Variants in PTPN3 observed in about 807,000 individuals in gnomAD.
PTPN3 encodes protein tyrosine phosphatase non-receptor type 3.
In PTPN3, 96 loss-of-function variants were observed where a neutral mutation model predicts 132.7. The ratio of observed to expected loss-of-function variants is 0.72; its 90% confidence interval spans 0.61 to 0.86. The LOEUF is 0.86. Among genes scored for constraint, PTPN3 ranks in the 40% least tolerant of loss-of-function variants. The pLI is 0.00. For synonymous variants in PTPN3, 398 were observed against 429.0 expected, an observed-to-expected ratio of 0.93 and a Z score of 0.89; for missense variants, 1,125 against 1,159.6, an observed-to-expected ratio of 0.97 and a Z score of 0.43.
At chr9:109,391,097 G>T in intron 21 of PTPN3, 41 bp downstream of exon 21, 2 of 1,568,954 alleles carry the variant, frequency 1.3e-6, no homozygotes, top group Non-Finnish European at 1.8e-6. Context: ...TTGCGACAGT[G>T]GTGAATGTGC....
intron 1 of PTPN3, among the ~76,000 whole-genome samples, chr9:109,465,246 A>G (rs1846038657): frequency 6.6e-6 from 1 of 152,198 alleles, no homozygotes; most frequent in Admixed American, 6.5e-5. Flanking sequence ...GGACATGACT[A>G]TATCACGTAG....
chr9:109,451,977 AAAGG>A lies in PTPN3; in HGVS notation c.368+2515_368+2518del, dbSNP rs544887599. Among the ~76,000 whole-genome samples, 5 of 152,314 alleles carry A rather than the reference AAAGG, an allele frequency of 3.3e-5. No homozygotes were observed. The East Asian group carries it at 9.7e-4, about 29-fold the overall frequency. Reference sequence around the variant, plus strand: ...CGTCACAGTTGGCAAGTTTTTAAAAAAAGGAAGTAAGGCCGGGCACAGAGGCTCA... The same window carrying A: ...CGTCACAGTTGGCAAGTTTTTAAAAAAAGTAAGGCCGGGCACAGAGGCTCA... On this transcript the variant is annotated intron_variant, in intron 5 of 25. Transcript: ENST00000374541.
At chr9:109,424,450 T>C (rs1843101989) in intron 12 of PTPN3, among the ~76,000 whole-genome samples, 1 of 152,242 alleles carries the variant, frequency 6.6e-6, no homozygotes, top group South Asian at 2.1e-4. Flanking sequence ...TGCAAGTTCT[T>C]TGAGTCTTGC....
intron 1 of PTPN3, among the ~76,000 whole-genome samples, chr9:109,476,748 A>C (rs1425165883): frequency 1.3e-5 from 2 of 152,166 alleles, no homozygotes; most frequent in African/African-American, 4.8e-5. Flanking sequence ...CCCTGTGAAT[A>C]ACTATAGGGA....
At chr9:109,533,447 GT>G in the PTPN3 span, 2 of 1,498,040 alleles carry the variant, frequency 1.3e-6, no homozygotes, top group Admixed American at 1.7e-5. Context: ...CACCTGGCCG[GT>G]TTAGGGTTTT....
In PTPN3 at chr9:109,436,930, T is replaced by G; in HGVS notation, c.628A>C (p.Ile210Leu). 6.2e-7 allele frequency: 1 copy of G among 1,614,114 alleles called. No homozygotes were observed. Among genetic ancestry groups the G allele is most frequent in the Non-Finnish European group, 8.5e-7 (1 of 1,179,992 alleles). The change falls in exon 9 of 26, where the codon ATA (isoleucine) becomes CTA (leucine). Residue 210 changes from isoleucine to leucine, a missense_variant. Transcript: ENST00000374541. Reference protein sequence around the residue: ...QSEAESCYINIARTLDFYGVE... With the variant: ...QSEAESCYINLARTLDFYGVE... ...CCATAGAAGTCGAGGGTCCGCGCTA[T>G]GTTGATATAGCAGGATTCTGCTTCT...
At chr9:109,468,163 A>G (rs962635839) in intron 1 of PTPN3, among the ~76,000 whole-genome samples, 3 of 152,158 alleles carry the variant, frequency 2.0e-5, no homozygotes, top group African/African-American at 7.2e-5. Context: ...TTCCTTTATA[A>G]GCCTCTTAAT....
At chr9:109,480,801 C>T (rs1246777468) in intron 1 of PTPN3, among the ~76,000 whole-genome samples, 2 of 152,156 alleles carry the variant, frequency 1.3e-5, no homozygotes, top group African/African-American at 4.8e-5. Context: ...CACAAAAAGG[C>T]TGGGTCTGAG....
chr9:109,381,624 C>G (rs1839095190), intron 25 of PTPN3, 28 bp downstream of exon 25: 3 of 1,613,598 alleles, frequency 1.9e-6, no homozygotes, highest in Non-Finnish European at 8.5e-7. Context: ...AAAGTGCCAG[C>G]CACCGTAATT....
the PTPN3 span, among the ~76,000 whole-genome samples, chr9:109,515,805 A>G: frequency 3.9e-5 from 6 of 151,922 alleles, no homozygotes; most frequent in Non-Finnish European, 8.8e-5. Context: ...GTGAAAACCC[A>G]CTCGTTACCT....
chr9:109,442,055 AT>A (rs143574276), intron 7 of PTPN3, among the ~76,000 whole-genome samples: 13,946 of 150,412 alleles, frequency 0.093, 866 homozygotes, highest in Non-Finnish European at 0.13. Flanking sequence ...ACAATAATTA[AT>A]TTTTTTTTTG....
chr9:109,512,827 A>G, the PTPN3 span, among the ~76,000 whole-genome samples: 2 of 152,144 alleles, frequency 1.3e-5, no homozygotes, highest in African/African-American at 4.8e-5. Context: ...ATTCCTGCAC[A>G]TGGTGTTTAA....
At chr9:109,463,534 CCT>C in intron 1 of PTPN3, 83 bp from the exon 2 acceptor site, 1 of 1,285,140 alleles carries the variant, frequency 7.8e-7, no homozygotes, top group African/African-American at 1.5e-5. Context: ...CAGATCCCAT[CCT>C]CTCGATACTG....
the PTPN3 span, among the ~76,000 whole-genome samples, chr9:109,519,136 C>G: frequency 6.6e-6 from 1 of 152,156 alleles, no homozygotes; most frequent in South Asian, 2.1e-4. Context: ...TAAGGCATAT[C>G]AGGGCATCAG....
the PTPN3 span, among the ~76,000 whole-genome samples, chr9:109,518,493 G>C: frequency 2.0e-5 from 3 of 152,130 alleles, no homozygotes; most frequent in Non-Finnish European, 4.4e-5. Flanking sequence ...TGCTGATCAG[G>C]GTGACCCAGC....
At chr9:109,381,189 A>G (rs1839046048) in intron 25 of PTPN3, among the ~76,000 whole-genome samples, 1 of 152,172 alleles carries the variant, frequency 6.6e-6, no homozygotes, top group Non-Finnish European at 1.5e-5. Context: ...AATCCCCAAG[A>G]GTTATCCCCT....
chr9:109,533,606 C>G, the PTPN3 span: 3 of 1,545,238 alleles, frequency 1.9e-6, no homozygotes, highest in Non-Finnish European at 2.7e-6. Context: ...GAATCGTGGT[C>G]TATATCCCTG....
chr9:109,461,816 C>T (rs572447032), intron 2 of PTPN3, among the ~76,000 whole-genome samples: 2 of 151,920 alleles, frequency 1.3e-5, no homozygotes, highest in African/African-American at 2.4e-5. Context: ...TTGCCACATG[C>T]GGCTGGGGGG....
chr9:109,427,913 G>C (rs763495361), intron 11 of PTPN3, among the ~76,000 whole-genome samples: 1 of 152,226 alleles, frequency 6.6e-6, no homozygotes, highest in Non-Finnish European at 1.5e-5. Context: ...GTAATGATCT[G>C]GTTAAAATTC....
Sources: allele counts gnomAD v4.1 joint callset (sites outside exome capture counted in the v4.1 genomes callset), GRCh38; gene constraint gnomAD v4.1.1; transcripts MANE v1.5; gene names NCBI Gene and HGNC (gene_info 2026-07-23, HGNC 2026-07-21).